The following GRB10 variants were observed in gnomAD, a reference collection of about 807,000 sequenced individuals.
GRB10 encodes growth factor receptor-bound protein 10.
Under a neutral mutation model 80.9 loss-of-function variants are expected in GRB10, and 20 were observed. The observed-to-expected ratio is 0.25, with a 90% CI of 0.17 to 0.36. The LOEUF (loss-of-function observed/expected upper bound fraction) is 0.36. GRB10 is among the 10% of genes least tolerant of loss of function. The pLI is 1.00. For missense variants in GRB10, 548 were observed against 747.7 expected, an observed-to-expected ratio of 0.73 and a Z score of 3.12; for synonymous variants, 291 against 291.5, an observed-to-expected ratio of 1.00 and a Z score of 0.02.
At chr7:50,655,139 G>C (rs544974467) in intron 7 of GRB10, among the ~76,000 whole-genome samples, 2 of 152,156 alleles carry the variant, frequency 1.3e-5, no homozygotes, top group Non-Finnish European at 2.9e-5. Context: ...AATGTCTCTT[G>C]GTTCTGGTTC....
rs751031427 is a variant in GRB10 at position 50,782,094 on chromosome 7, G to C, written c.-327+330C>G. Among the ~76,000 whole-genome samples, 1 of 152,228 alleles carries C rather than the reference G, an allele frequency of 6.6e-6. No homozygotes were observed. The highest frequency in any genetic ancestry group is 1.5e-5 in the Non-Finnish European group (1 of 68,038). ...CGCTGCCCACCACCTGGCGAGGAAGGAGCGGGCGAGGTTCGCTCGAATCGT... is the reference window on the plus strand; with the variant it reads ...CGCTGCCCACCACCTGGCGAGGAAGCAGCGGGCGAGGTTCGCTCGAATCGT... On this transcript the variant is annotated intron_variant, in intron 1 of 18. Coordinates refer to ENST00000401949, the MANE Select transcript of GRB10 (RefSeq NM_001350814.2). This position sits in a 1 kb window ranked among gnomAD's most constrained non-coding sequence, Gnocchi z 6.6.
chr7:50,620,542 TACAAGGAAAGG>T (rs1282940985), intron 8 of GRB10, among the ~76,000 whole-genome samples: 1 of 152,192 alleles, frequency 6.6e-6, no homozygotes, highest in Non-Finnish European at 1.5e-5. Flanking sequence ...GTTTTGACAT[TACAAGGAAAGG>T]ATTCCTTGGT....
chr7:50,613,506 C>T (rs2049964024), intron 12 of GRB10, among the ~76,000 whole-genome samples: 1 of 152,184 alleles, frequency 6.6e-6, no homozygotes, highest in African/African-American at 2.4e-5. Flanking sequence ...ATAAACTGAC[C>T]TGCATCTCCA....
intron 8 of GRB10, among the ~76,000 whole-genome samples, chr7:50,622,989 G>A (rs2052132644): frequency 1.3e-5 from 2 of 152,128 alleles, no homozygotes; most frequent in Non-Finnish European, 2.9e-5. Context: ...TTGTTTACTT[G>A]ATATGTCTGC....
chr7:50,676,995 CA>C (rs1024369046), intron 5 of GRB10, among the ~76,000 whole-genome samples: 1 of 152,132 alleles, frequency 6.6e-6, no homozygotes, highest in African/African-American at 2.4e-5. Context: ...AAACCAGGGC[CA>C]GGGGAGAGGG....
intron 3 of GRB10, among the ~76,000 whole-genome samples, chr7:50,733,341 C>CT (rs1359390664): frequency 6.6e-6 from 1 of 152,172 alleles, no homozygotes; most frequent in African/African-American, 2.4e-5. Flanking sequence ...CCCTCGCCCC[C>CT]TCCCCAGTCT....
intron 3 of GRB10, among the ~76,000 whole-genome samples, chr7:50,734,479 G>A (rs1157928328): frequency 2.6e-5 from 4 of 152,022 alleles, no homozygotes; most frequent in African/African-American, 7.3e-5. Context: ...CACGCCGCAC[G>A]CCTCCCTGCT....
intron 4 of GRB10, among the ~76,000 whole-genome samples, chr7:50,723,186 A>C (rs1429049531): frequency 6.6e-6 from 1 of 152,192 alleles, no homozygotes; most frequent in African/African-American, 2.4e-5. Flanking sequence ...AAAAGAGAAA[A>C]GTTGCAGTGA....
intron 4 of GRB10, among the ~76,000 whole-genome samples, chr7:50,704,688 T>C (rs370732149): frequency 6.6e-6 from 1 of 152,244 alleles, no homozygotes; most frequent in African/African-American, 2.4e-5. Context: ...AATATCATAG[T>C]TGACTTCAGC....
intron 7 of GRB10, among the ~76,000 whole-genome samples, chr7:50,650,625 G>T (rs1460184112): frequency 6.6e-6 from 1 of 152,234 alleles, no homozygotes; most frequent in Non-Finnish European, 1.5e-5. Context: ...AAGATGTAAG[G>T]ATGTGTTCCC....
intron 5 of GRB10, among the ~76,000 whole-genome samples, chr7:50,694,214 C>T (rs1240405955): frequency 1.3e-5 from 2 of 152,198 alleles, no homozygotes; most frequent in East Asian, 3.9e-4. Flanking sequence ...ATCTCAGCTA[C>T]TTGGGAGGCT....
rs1054903123 is a variant in GRB10 at position 50,676,349 on chromosome 7, G to C, written c.140-1691C>G. 9.7e-4 allele frequency among the ~76,000 whole-genome samples: 136 copies of C among 140,878 alleles called. 1 individual carries two copies. Among genetic ancestry groups the C allele is most frequent in the African/African-American group, 3.6e-3 (130 of 36,088 alleles). The allele number at this position is 140,878 out of a possible 152,430, so 92.4% of individuals were successfully genotyped here. On this transcript the variant is annotated intron_variant, in intron 5 of 18. Coordinates refer to ENST00000401949, the MANE Select transcript of GRB10 (RefSeq NM_001350814.2). ...GTCCACCCCACCGGGGGGGGGGGGG[G>C]GTTGTAAGGACTAGGTTAGTTATTA...
intron 7 of GRB10, among the ~76,000 whole-genome samples, chr7:50,667,005 A>G (rs1402074337): frequency 7.2e-6 from 1 of 138,538 alleles, no homozygotes; most frequent in Non-Finnish European, 1.5e-5. Context: ...GCGCCACTGC[A>G]CTCCAGCAGC....
intron 4 of GRB10, among the ~76,000 whole-genome samples, chr7:50,723,925 A>C (rs1480514212): frequency 3.3e-5 from 5 of 152,236 alleles, no homozygotes; most frequent in African/African-American, 1.2e-4. Flanking sequence ...GGCACCCTCC[A>C]ACCTTCACGC....
intron 4 of GRB10, among the ~76,000 whole-genome samples, chr7:50,725,466 TAC>T (rs1434740268): frequency 1.3e-5 from 2 of 152,226 alleles, no homozygotes; most frequent in African/African-American, 4.8e-5. Context: ...TGTGGACGAA[TAC>T]AGTGACACAC....
chr7:50,719,897 C>T (rs1273489136), intron 4 of GRB10, among the ~76,000 whole-genome samples: 1 of 151,702 alleles, frequency 6.6e-6, no homozygotes, highest in Non-Finnish European at 1.5e-5. Flanking sequence ...TGATCAAATC[C>T]GAGTTCCTGC....
chr7:50,682,233 AC>A (rs1430440902), intron 5 of GRB10, among the ~76,000 whole-genome samples: 1 of 152,148 alleles, frequency 6.6e-6, no homozygotes. Flanking sequence ...GGAGCCCCTG[AC>A]CCCTTTGTCC....
At chr7:50,724,681 C>A (rs922279462) in intron 4 of GRB10, among the ~76,000 whole-genome samples, 1 of 152,116 alleles carries the variant, frequency 6.6e-6, no homozygotes, top group African/African-American at 2.4e-5. Context: ...GGAAAAAGTG[C>A]CACAAACCCC....
At chr7:50,740,689 C>G (rs947981479) in intron 3 of GRB10, among the ~76,000 whole-genome samples, 1 of 79,826 alleles carries the variant, frequency 1.3e-5, no homozygotes, top group African/African-American at 2.7e-5. Flanking sequence ...ACTCATAATT[C>G]TTTAAACATC....
Sources: gnomAD v4.1 joint callset for allele counts (sites outside exome capture counted in the v4.1 genomes callset) on GRCh38, gnomAD v4.1.1 for gene constraint, Gnocchi (gnomAD v3.1) non-coding constraint, MANE v1.5 for transcripts, NCBI Gene and HGNC (gene_info 2026-07-23, HGNC 2026-07-21) for gene names.